ZNF609: variants seen among roughly 807,000 people sequenced by gnomAD.
The protein encoded by ZNF609 is zinc finger protein 609.
Under a neutral mutation model 109.5 loss-of-function variants are expected in ZNF609, and 11 were observed. The observed-to-expected ratio is 0.10, with a 90% CI of 0.06 to 0.17. The LOEUF (loss-of-function observed/expected upper bound fraction) is 0.17. Ranked by LOEUF, ZNF609 falls within the 10% of genes least tolerant of loss-of-function variation. The pLI is 1.00. For synonymous variants in ZNF609, 646 were observed against 662.0 expected (o/e 0.98, Z 0.37); for missense variants, 1,559 against 1,772.4 (o/e 0.88, Z 2.16).
intron 2 of ZNF609, among the ~76,000 whole-genome samples, chr15:64,529,838 C>G (rs1344005720): frequency 6.6e-6 from 1 of 152,256 alleles, no homozygotes; most frequent in Non-Finnish European, 1.5e-5. Context: ...TTGAGTGATT[C>G]TCCTGCCTCA....
intron 2 of ZNF609, among the ~76,000 whole-genome samples, chr15:64,510,578 G>A (rs780554867): frequency 3.9e-5 from 6 of 152,162 alleles, no homozygotes; most frequent in Admixed American, 1.3e-4. Flanking sequence ...AGGTACGTAC[G>A]TAGAGGAAAA....
At chr15:64,645,040 CCTTTCTTT>C (rs1283058985) in intron 3 of ZNF609, among the ~76,000 whole-genome samples, 2 of 142,136 alleles carry the variant, frequency 1.4e-5, no homozygotes, top group African/African-American at 2.7e-5. Flanking sequence ...TTTCTTCCTT[CCTTTCTTT>C]CTTCCTTTCT....
intron 1 of ZNF609, among the ~76,000 whole-genome samples, chr15:64,465,088 T>C (rs1892995677): frequency 6.6e-6 from 1 of 152,216 alleles, no homozygotes; most frequent in Non-Finnish European, 1.5e-5. Flanking sequence ...AGTTCTGGCT[T>C]TATGCTTTGT....
At chr15:64,641,822 G>A (rs1896264121) in intron 3 of ZNF609, among the ~76,000 whole-genome samples, 1 of 152,018 alleles carries the variant, frequency 6.6e-6, no homozygotes, top group Non-Finnish European at 1.5e-5. Context: ...ATTGCTTATT[G>A]GATCATCTGA....
At chr15:64,583,827 T>C (rs1309846702) in intron 2 of ZNF609, among the ~76,000 whole-genome samples, 1 of 152,170 alleles carries the variant, frequency 6.6e-6, no homozygotes. Context: ...TCTTCCTGTT[T>C]TGAACCCTAC....
chr15:64,555,742 C>T (rs1894570932), intron 2 of ZNF609, among the ~76,000 whole-genome samples: 1 of 151,652 alleles, frequency 6.6e-6, no homozygotes. Flanking sequence ...ATTAGCCGGG[C>T]ATGGTGGTGT....
At position 64,670,356 on chromosome 15, in the gene ZNF609, G is replaced by A. The variant is rs746796666; in HGVS notation, c.984G>A (p.Val328=). 2 of 1,613,910 alleles carry A rather than the reference G, an allele frequency of 1.2e-6. No individual in the cohort carries two copies. Among genetic ancestry groups the A allele is most frequent in the Non-Finnish European group, 1.7e-6 (2 of 1,179,854 alleles). Residue 328 remains valine (V), a synonymous_variant, in exon 4 of 10, where the codon GTG becomes GTA. Transcript: ENST00000326648. The part of the protein sequence containing the change: ...VWQETEDGML[V]VNVTWRNKTY... ...GCTCTTATTTTCCAGGGATGTTGGTGGTAAATGTAACGTGGAGGAACAAGA... is the reference window on the plus strand; with the variant it reads ...GCTCTTATTTTCCAGGGATGTTGGTAGTAAATGTAACGTGGAGGAACAAGA...
intron 1 of ZNF609, among the ~76,000 whole-genome samples, chr15:64,475,890 C>T (rs903373628): frequency 1.3e-5 from 2 of 152,152 alleles, no homozygotes; most frequent in African/African-American, 2.4e-5. Context: ...TTTTTTTAGA[C>T]TTCTTTTTAT....
chr15:64,472,209 G>A (rs753669575), intron 1 of ZNF609, among the ~76,000 whole-genome samples: 5 of 152,134 alleles, frequency 3.3e-5, no homozygotes, highest in East Asian at 1.9e-4. Context: ...CACCACACCC[G>A]GCCTATAAGT....
chr15:64,670,703 AC>A (rs1184602567), intron 4 of ZNF609, among the ~76,000 whole-genome samples: 1 of 150,956 alleles, frequency 6.6e-6, no homozygotes, highest in East Asian at 2.0e-4. Flanking sequence ...ACATGGAGAA[AC>A]CCCGTCTCTA....
intron 2 of ZNF609, among the ~76,000 whole-genome samples, chr15:64,535,210 G>A (rs932911239): frequency 2.0e-5 from 3 of 151,992 alleles, no homozygotes; most frequent in African/African-American, 7.2e-5. Context: ...CACCACCCCT[G>A]ATTAATTTTT....
intron 2 of ZNF609, among the ~76,000 whole-genome samples, chr15:64,596,187 C>T (rs1354785372): frequency 6.6e-6 from 1 of 152,034 alleles, no homozygotes; most frequent in African/African-American, 2.4e-5. Context: ...GAGTCTCGCT[C>T]TGTTGCCCCA....
intron 3 of ZNF609, among the ~76,000 whole-genome samples, chr15:64,667,166 G>C (rs941864752): frequency 6.6e-6 from 1 of 152,054 alleles, no homozygotes; most frequent in Non-Finnish European, 1.5e-5. Flanking sequence ...CCTGAGATTT[G>C]TAGAAGCCAA....
intron 7 of ZNF609, 41 bp downstream of exon 7, chr15:64,680,401 A>G (rs772113932): frequency 1.2e-6 from 2 of 1,604,086 alleles, no homozygotes; most frequent in Admixed American, 3.3e-5. Context: ...CCCAAAGACT[A>G]GTAAGGCCAG....
intron 2 of ZNF609, among the ~76,000 whole-genome samples, chr15:64,518,038 TC>T (rs34468155): frequency 1.3e-5 from 2 of 152,270 alleles, no homozygotes; most frequent in East Asian, 3.9e-4. Context: ...CGCCATGGCC[TC>T]CCAAAGTGCT....
intron 2 of ZNF609, among the ~76,000 whole-genome samples, chr15:64,570,855 G>A (rs144107416): frequency 1.3e-5 from 2 of 151,926 alleles, no homozygotes; most frequent in African/African-American, 2.4e-5. Flanking sequence ...GCAAAACCTC[G>A]TCTCTACTAA....
intron 1 of ZNF609, among the ~76,000 whole-genome samples, chr15:64,478,943 G>A (rs905097034): frequency 3.9e-5 from 6 of 152,164 alleles, no homozygotes; most frequent in African/African-American, 1.4e-4. Flanking sequence ...GTGGTTGAAA[G>A]GATATCAGTT....
chr15:64,556,822 G>A (rs151046482), intron 2 of ZNF609, among the ~76,000 whole-genome samples: 1 of 152,166 alleles, frequency 6.6e-6, no homozygotes, highest in African/African-American at 2.4e-5. Context: ...TAGATTTAGT[G>A]TATACTTAGT....
chr15:64,556,291 T>A (rs1894585804), intron 2 of ZNF609, among the ~76,000 whole-genome samples: 1 of 151,908 alleles, frequency 6.6e-6, no homozygotes, highest in East Asian at 1.9e-4. Flanking sequence ...CCACTACTCT[T>A]GGGTAATTTT....
Sources: gnomAD v4.1 joint callset for allele counts (sites outside exome capture counted in the v4.1 genomes callset) on GRCh38, gnomAD v4.1.1 for gene constraint, MANE v1.5 for transcripts, NCBI Gene and HGNC (gene_info 2026-07-23, HGNC 2026-07-21) for gene names.